Variants in PCDH19 observed in about 807,000 individuals in gnomAD.
The protein encoded by PCDH19 is protocadherin 19, also known as protocadherin-19.
A neutral mutation model predicts 46.2 loss-of-function variants in PCDH19; 6 were observed. The observed-to-expected ratio is 0.13, with a 90% CI of 0.07 to 0.26. The LOEUF is 0.26. Among genes scored for constraint, PCDH19 ranks in the 10% least tolerant of loss-of-function variants. The pLI is 1.00. For synonymous variants in PCDH19, 481 were observed against 415.7 expected (o/e 1.16, Z -1.91); for missense variants, 740 against 972.3 (o/e 0.76, Z 3.18).
chrX:100,343,797 C>G (rs1926320894), intron 4 of PCDH19, among the ~76,000 whole-genome samples: 1 of 111,496 alleles, frequency 9.0e-6, no homozygotes, highest in Non-Finnish European at 1.9e-5. Context: ...TAACACAAAC[C>G]CTAATAGACC....
At chrX:100,311,734 G>C (rs1925136584) in intron 5 of PCDH19, among the ~76,000 whole-genome samples, 1 of 110,748 alleles carries the variant, frequency 9.0e-6, no homozygotes, top group Non-Finnish European at 1.9e-5. Flanking sequence ...GGTATCACTA[G>C]AAATGGTCAT....
chrX:100,328,615 G>A (rs1017567328), intron 5 of PCDH19, among the ~76,000 whole-genome samples: 21 of 111,543 alleles, frequency 1.9e-4, no homozygotes, highest in Non-Finnish European at 2.4e-4. Context: ...GGGCTACAGC[G>A]TGGGAATGGG....
intron 3 of PCDH19, among the ~76,000 whole-genome samples, chrX:100,371,113 A>C: frequency 9.0e-6 from 1 of 110,845 alleles, no homozygotes; most frequent in Non-Finnish European, 1.9e-5. Flanking sequence ...TATGGCAATC[A>C]AACATTTGAA....
intron 3 of PCDH19, among the ~76,000 whole-genome samples, chrX:100,368,386 CCCACTCTCTGT>C (rs1178769742): frequency 7.2e-5 from 8 of 111,492 alleles, no homozygotes; most frequent in African/African-American, 2.3e-4. Context: ...GCAGGTCAGT[CCCACTCTCTGT>C]CAGCCCTATG....
chrX:100,348,157 G>C (rs762751574), intron 4 of PCDH19, among the ~76,000 whole-genome samples: 1 of 110,265 alleles, frequency 9.1e-6, no homozygotes, highest in South Asian at 3.9e-4. Context: ...CAAAGAAACA[G>C]GGACTTGATA....
intron 3 of PCDH19, among the ~76,000 whole-genome samples, chrX:100,375,502 C>T (rs912707419): frequency 1.8e-5 from 2 of 112,529 alleles, no homozygotes; most frequent in Non-Finnish European, 3.7e-5. Flanking sequence ...CATTGATGGA[C>T]ATTTGGGTTG....
rs1322393906 is a variant in PCDH19 at position 100,322,833 on chromosome X, G to GTGTA, written c.2848+19069_2848+19070insTACA. 9.4e-4 allele frequency among the ~76,000 whole-genome samples: 46 copies of GTGTA among 48,779 alleles called. 1 individual carries two copies. The highest frequency in any genetic ancestry group is 1.8e-3 in the African/African-American group (13 of 7,423). The allele number at this position is 48,779 out of a possible 115,157, so 42.4% of individuals were successfully genotyped here. ...CCTCCTTGGTTAGGTATATTCCTAA[G>GTGTA]TATATATATATATATATATATATAT... On this transcript the variant is annotated intron_variant, in intron 5 of 5. Coordinates refer to ENST00000373034, the MANE Select transcript of PCDH19 (RefSeq NM_001184880.2).
At chrX:100,370,159 G>C (rs1927176300) in intron 3 of PCDH19, among the ~76,000 whole-genome samples, 1 of 112,151 alleles carries the variant, frequency 8.9e-6, no homozygotes, top group African/African-American at 3.2e-5. Flanking sequence ...GCAGTTAACA[G>C]TGTTACCAAT....
At position 100,296,133 on chromosome X, in the gene PCDH19, G is replaced by C; in HGVS notation, c.*144C>G. 1 of 534,642 alleles carries C rather than the reference G, an allele frequency of 1.9e-6. No individual in the cohort carries two copies. The highest frequency in any genetic ancestry group is 3.3e-6 in the Non-Finnish European group (1 of 307,508). The allele number at this position is 534,642 out of a possible 1,213,427, so 44.1% of individuals were successfully genotyped here. On this transcript the variant is annotated 3_prime_UTR_variant, in exon 6 of 6. Coordinates refer to ENST00000373034, the MANE Select transcript of PCDH19 (RefSeq NM_001184880.2). ...TTGAAACAAGGGACTGTCACAGAAT[G>C]ATAATCACCTATAAACAATACATTT...
chrX:100,374,541 T>C (rs902224088), intron 3 of PCDH19, among the ~76,000 whole-genome samples: 3 of 111,981 alleles, frequency 2.7e-5, no homozygotes, highest in Non-Finnish European at 5.6e-5. Context: ...TACCATTAAA[T>C]AAGGCATGTC....
chrX:100,322,195 T>C (rs918614646), intron 5 of PCDH19, among the ~76,000 whole-genome samples: 3 of 111,590 alleles, frequency 2.7e-5, no homozygotes, highest in African/African-American at 9.8e-5. Flanking sequence ...ATTTTTATAG[T>C]TTCAGGTCTT....
intron 2 of PCDH19, among the ~76,000 whole-genome samples, 180 bp from the exon 3 acceptor site, chrX:100,403,031 A>C (rs1451479464): frequency 1.8e-5 from 2 of 111,459 alleles, no homozygotes; most frequent in East Asian, 5.7e-4. Context: ...TGAGGGCCAT[A>C]AACTTTTCAT....
At chrX:100,353,716 G>A (rs1447074063) in intron 3 of PCDH19, among the ~76,000 whole-genome samples, 10 of 111,838 alleles carry the variant, frequency 8.9e-5, no homozygotes, top group African/African-American at 3.3e-4. Flanking sequence ...GAATATCATA[G>A]AAGCTTGTAA....
chrX:100,327,348 T>C (rs1353068969), intron 5 of PCDH19, among the ~76,000 whole-genome samples: 2 of 112,556 alleles, frequency 1.8e-5, no homozygotes, highest in African/African-American at 6.5e-5. Context: ...AGCTATTAAG[T>C]GGCAAAGATA....
intron 3 of PCDH19, among the ~76,000 whole-genome samples, chrX:100,373,333 G>A (rs1927280395): frequency 8.9e-6 from 1 of 112,765 alleles, no homozygotes; most frequent in Admixed American, 9.4e-5. Context: ...GAAATGGAGA[G>A]AAATTGATTT....
intron 3 of PCDH19, among the ~76,000 whole-genome samples, chrX:100,382,744 T>C (rs1680635798): frequency 8.9e-6 from 1 of 111,742 alleles, no homozygotes; most frequent in African/African-American, 3.3e-5. Flanking sequence ...CCACTGACTC[T>C]GGAAAGAAAA....
intron 5 of PCDH19, among the ~76,000 whole-genome samples, chrX:100,334,701 A>G (rs1239696169): frequency 9.1e-6 from 1 of 109,815 alleles, no homozygotes; most frequent in African/African-American, 3.3e-5. Flanking sequence ...TCTACTTGTC[A>G]ATCACTCTTT....
chrX:100,349,615 A>G (rs555059053), intron 4 of PCDH19, among the ~76,000 whole-genome samples: 163 of 112,326 alleles, frequency 1.5e-3, no homozygotes, highest in South Asian at 6.7e-3. Flanking sequence ...AGCCAGCAAA[A>G]TAATACAATT....
chrX:100,397,360 G>A (rs772122406), intron 3 of PCDH19, among the ~76,000 whole-genome samples: 34 of 112,110 alleles, frequency 3.0e-4, no homozygotes, highest in African/African-American at 8.8e-4. Context: ...CCACGGCTAC[G>A]TCACTACTTA....
Sources: gnomAD v4.1 joint callset for allele counts (sites outside exome capture counted in the v4.1 genomes callset) on GRCh38, gnomAD v4.1.1 for gene constraint, MANE v1.5 for transcripts, NCBI Gene and HGNC (gene_info 2026-07-23, HGNC 2026-07-21) for gene names.